Variants in CNTNAP4 observed in about 807,000 individuals in gnomAD.
CNTNAP4 encodes the protein contactin-associated protein-like 4.
CNTNAP4 carries 98 observed loss-of-function variants against 148.4 expected under a neutral mutation model. The observed-to-expected ratio is 0.66, with a 90% confidence interval of 0.56 to 0.78. CNTNAP4 has a LOEUF of 0.78. Among genes scored for constraint, CNTNAP4 ranks in the 30% least tolerant of loss-of-function variants. The pLI, the probability that CNTNAP4 is intolerant of heterozygous loss-of-function variation, is 0.00. For synonymous variants in CNTNAP4, 730 were observed against 565.1 expected, an observed-to-expected ratio of 1.29 and a Z score of -4.14; for missense variants, 1,935 against 1,565.6, an observed-to-expected ratio of 1.24 and a Z score of -3.98.
rs139636520 is a variant in CNTNAP4 at position 76,554,907 on chromosome 16, T to C, written c.3733+1000T>C. Among the ~76,000 whole-genome samples, 1,026 of 152,222 alleles carry C rather than the reference T, an allele frequency of 6.7e-3. 7 individuals carry two copies. The highest frequency in any genetic ancestry group is 0.019 in the East Asian group (96 of 5,158). ...AGATGGCTTCTTAAAGTTGGTTTTG[T>C]TTGTTTAGCTTTTAGTTCTCTTTCC... On this transcript the variant is annotated intron_variant, in intron 23 of 23. Coordinates refer to ENST00000611870, the MANE Select transcript of CNTNAP4 (RefSeq NM_033401.5).
At chr16:76,493,308 G>T (rs2082290988) in intron 13 of CNTNAP4, among the ~76,000 whole-genome samples, 1 of 152,096 alleles carries the variant, frequency 6.6e-6, no homozygotes, top group Admixed American at 6.6e-5. Context: ...TATGTTTTCT[G>T]CTGCTGAGGA....
chr16:76,340,209 C>T (rs909580391), intron 2 of CNTNAP4, among the ~76,000 whole-genome samples: 5 of 152,012 alleles, frequency 3.3e-5, no homozygotes, highest in African/African-American at 4.8e-5. Context: ...TTAAGAGGCA[C>T]GTATTAAAGA....
chr16:76,410,366 G>T (rs1253523819), intron 3 of CNTNAP4, among the ~76,000 whole-genome samples: 2 of 151,704 alleles, frequency 1.3e-5, no homozygotes, highest in Non-Finnish European at 3.0e-5. Context: ...TAAAAATGGA[G>T]AACATGTATT....
At position 76,548,295 on chromosome 16, in the gene CNTNAP4, C is replaced by CATTTTTTTTTTTTTTTTTT. The variant is rs759580311; in HGVS notation, c.3443-4988_3443-4987insATTTTTTTTTTTTTTTTTT. On this transcript the variant is annotated intron_variant, in intron 21 of 23. Coordinates refer to ENST00000611870, the MANE Select transcript of CNTNAP4 (RefSeq NM_033401.5). ...CCCTGGCTCTCTTGATTCACTGCAC[C>CATTTTTTTTTTTTTTTTTT]TTTTTTTTTTTTTTTTTTTTTTTTG... 5.4e-5 allele frequency among the ~76,000 whole-genome samples: 5 copies of CATTTTTTTTTTTTTTTTTT among 92,908 alleles called. 2 individuals are homozygous for CATTTTTTTTTTTTTTTTTT. Among genetic ancestry groups the CATTTTTTTTTTTTTTTTTT allele is most frequent in the East Asian group, 3.6e-4 (1 of 2,774 alleles). 61.0% of individuals were successfully genotyped at this position (92,908 alleles called of 152,430 possible).
chr16:76,417,094 G>A (rs9931346), intron 3 of CNTNAP4, among the ~76,000 whole-genome samples: 56,218 of 151,024 alleles, frequency 0.37, 10,669 homozygotes, highest in Middle Eastern at 0.48. Flanking sequence ...TTTAATGTAC[G>A]TTAGTCTATA....
intron 4 of CNTNAP4, among the ~76,000 whole-genome samples, chr16:76,443,707 T>C (rs1349405571): frequency 6.6e-6 from 1 of 152,122 alleles, no homozygotes; most frequent in Non-Finnish European, 1.5e-5. Flanking sequence ...AAATAAATAT[T>C]GATTTGTACT....
chr16:76,508,972 C>T (rs1232495323), intron 15 of CNTNAP4, among the ~76,000 whole-genome samples: 5 of 95,216 alleles, frequency 5.3e-5, no homozygotes, highest in East Asian at 5.6e-4. Flanking sequence ...AGGATGGTCT[C>T]GATCTCCTGA....
chr16:76,485,882 C>G (rs2082008881), intron 12 of CNTNAP4, among the ~76,000 whole-genome samples: 1 of 152,236 alleles, frequency 6.6e-6, no homozygotes, highest in Admixed American at 6.5e-5. Context: ...GGCTGGCTCT[C>G]TCCCCTCCTG....
intron 5 of CNTNAP4, 88 bp downstream of exon 5, chr16:76,448,303 G>C: frequency 1.2e-6 from 1 of 861,364 alleles, no homozygotes; most frequent in Non-Finnish European, 1.8e-6. Flanking sequence ...TCTTTTAGCA[G>C]TCAGAGTGCC....
chr16:76,484,679 G>A (rs1325956789), intron 12 of CNTNAP4, among the ~76,000 whole-genome samples: 1 of 152,120 alleles, frequency 6.6e-6, no homozygotes, highest in Non-Finnish European at 1.5e-5. Context: ...AGTGTAGCAG[G>A]GTGAAAATAT....
intron 1 of CNTNAP4, among the ~76,000 whole-genome samples, chr16:76,294,246 G>C (rs1208445963): frequency 6.6e-6 from 1 of 152,078 alleles, no homozygotes; most frequent in African/African-American, 2.4e-5. Flanking sequence ...CTCTAACAAA[G>C]AGCAGACTGT....
At chr16:76,381,885 C>T (rs961345400) in intron 3 of CNTNAP4, among the ~76,000 whole-genome samples, 1 of 151,598 alleles carries the variant, frequency 6.6e-6, no homozygotes, top group African/African-American at 2.4e-5. Context: ...ACGGTGAAAC[C>T]CTGTCTCTAC....
intron 15 of CNTNAP4, among the ~76,000 whole-genome samples, chr16:76,515,209 T>C (rs1424477832): frequency 6.6e-6 from 1 of 152,112 alleles, no homozygotes; most frequent in Non-Finnish European, 1.5e-5. Context: ...GACTAGTATA[T>C]AGAATATATG....
intron 15 of CNTNAP4, among the ~76,000 whole-genome samples, chr16:76,501,932 A>G (rs921796598): frequency 6.6e-6 from 1 of 151,362 alleles, no homozygotes; most frequent in East Asian, 1.9e-4. Flanking sequence ...AGCCGGGCGT[A>G]GTGGCGGGCG....
chr16:76,401,782 C>T (rs573711560), intron 3 of CNTNAP4, among the ~76,000 whole-genome samples: 7 of 152,054 alleles, frequency 4.6e-5, no homozygotes, highest in Non-Finnish European at 8.8e-5. Context: ...AAGCCTTTTC[C>T]ACATCTATTG....
At chr16:76,333,062 A>C (rs537473800) in intron 2 of CNTNAP4, among the ~76,000 whole-genome samples, 1 of 152,328 alleles carries the variant, frequency 6.6e-6, no homozygotes, top group African/African-American at 2.4e-5. Flanking sequence ...TCATAAAGGA[A>C]GTTAAACTAT....
intron 10 of CNTNAP4, among the ~76,000 whole-genome samples, chr16:76,468,130 ACAAGGCAGG>A (rs2081242812): frequency 1.3e-5 from 2 of 152,178 alleles, no homozygotes; most frequent in Non-Finnish European, 2.9e-5. Flanking sequence ...ACAGGACATG[ACAAGGCAGG>A]ACTTGAGAGT....
chr16:76,545,066 C>G (rs536346382), intron 21 of CNTNAP4, among the ~76,000 whole-genome samples: 11 of 152,130 alleles, frequency 7.2e-5, no homozygotes, highest in African/African-American at 2.7e-4. Flanking sequence ...AAATAATTTT[C>G]AAAATAATGG....
chr16:76,376,161 A>T (rs1288315349), intron 3 of CNTNAP4, among the ~76,000 whole-genome samples: 2 of 152,140 alleles, frequency 1.3e-5, no homozygotes, highest in Non-Finnish European at 2.9e-5. Flanking sequence ...AAAAGCAAGC[A>T]AGGAAGAAAA....
Sources: allele counts gnomAD v4.1 joint callset (sites outside exome capture counted in the v4.1 genomes callset), GRCh38; gene constraint gnomAD v4.1.1; transcripts MANE v1.5; gene names NCBI Gene and HGNC (gene_info 2026-07-23, HGNC 2026-07-21).